The following RNF213 variants were observed in gnomAD, a reference collection of about 807,000 sequenced individuals.
RNF213 encodes the protein E3 ubiquitin-protein ligase RNF213.
Under a neutral mutation model 514.4 loss-of-function variants are expected in RNF213, and 341 were observed. The ratio of observed to expected loss-of-function variants is 0.66; its 90% CI spans 0.61 to 0.73. RNF213 has a LOEUF of 0.73. RNF213 is among the 30% of genes least tolerant of loss of function. The probability of loss-of-function intolerance (pLI) is 0.00; values close to 1 mark genes in which losing one functional copy is unlikely to be tolerated. For missense variants in RNF213, 5,767 were observed against 6,615.6 expected (o/e 0.87, Z 4.45); for synonymous variants, 2,655 against 2,658.2 (o/e 1.00, Z 0.04).
chr17:80,289,885 C>G (rs372549930), intron 6 of RNF213, 48 bp downstream of exon 6: 1 of 1,540,690 alleles, frequency 6.5e-7, no homozygotes, highest in African/African-American at 1.4e-5. Flanking sequence ...CCTGAGAGCC[C>G]GGCACACCCT....
At chr17:80,276,896 C>CAA (rs202223629) in intron 3 of RNF213, among the ~76,000 whole-genome samples, 1 of 144,650 alleles carries the variant, frequency 6.9e-6, no homozygotes, top group South Asian at 2.2e-4. Flanking sequence ...ACTAAAAATA[C>CAA]AAAAAAAAAA....
chr17:80,319,789 C>T (rs908468226), intron 17 of RNF213: 2 of 1,242,898 alleles, frequency 1.6e-6, no homozygotes, highest in African/African-American at 3.1e-5. Context: ...CCCCCTGTCT[C>T]CCAGGAACAG....
intron 2 of RNF213, 42 bp from the exon 3 acceptor site, chr17:80,273,199 C>A (rs767059655): frequency 6.2e-7 from 1 of 1,611,810 alleles, no homozygotes; most frequent in South Asian, 1.1e-5. Flanking sequence ...CTAACACTCG[C>A]TTCTCTCTGA....
In RNF213 at chr17:80,374,464, C is replaced by T. The variant is rs759256018; in HGVS notation, c.12949C>T (p.Arg4317Trp). The T allele has an allele frequency of 1.3e-5, 21 of 1,613,988 alleles. No individual in the cohort carries two copies. Among genetic ancestry groups the T allele is most frequent in the South Asian group, 3.3e-5 (3 of 91,086 alleles). Residue 4317 changes from arginine (R) to tryptophan (W), a missense_variant, in exon 50 of 68, where the codon CGG (arginine) becomes TGG (tryptophan). By Grantham distance (101) the Arg-to-Trp change is moderately radical (BLOSUM62 -3). Coordinates refer to ENST00000582970, the MANE Select transcript of RNF213 (RefSeq NM_001256071.3). ...PKDVVKQQGL[R>W]QDHPGQMDRY... ...ACTAACCTCTGTATTCCAGGGGCTG[C>T]GGCAGGACCACCCAGGCCAGATGGA... is the stretch of plus-strand genomic sequence containing the variant.
intron 22 of RNF213, among the ~76,000 whole-genome samples, chr17:80,334,825 A>G (rs1342449662): frequency 1.3e-5 from 2 of 150,638 alleles, no homozygotes; most frequent in African/African-American, 4.9e-5. Flanking sequence ...ACGGGGTTTC[A>G]CTGTGTTAGC....
rs553839007 is a variant in RNF213, at chr17:80,274,297, A to G, written c.261+893A>G. Reference sequence around the variant, plus strand: ...CTCTTAGGCGTTAGACACCAAGAGAATGCGTCCTTGTTAAGATTCCCAGTT... The same window carrying G: ...CTCTTAGGCGTTAGACACCAAGAGAGTGCGTCCTTGTTAAGATTCCCAGTT... On this transcript the variant is annotated intron_variant, in intron 3 of 67. Coordinates refer to ENST00000582970, the MANE Select transcript of RNF213 (RefSeq NM_001256071.3). Among the ~76,000 whole-genome samples the G allele has an allele frequency of 4.9e-4, 74 of 151,804 alleles. No individual in the cohort carries two copies. In the South Asian group the frequency reaches 0.015, roughly 30 times the overall value.
chr17:80,277,068 A>G (rs1381666267), intron 3 of RNF213, among the ~76,000 whole-genome samples: 3 of 151,348 alleles, frequency 2.0e-5, no homozygotes, highest in Non-Finnish European at 4.4e-5. Context: ...AACAAAGCAA[A>G]CAAACCAAAA....
chr17:80,321,628 TAGGAGGCTTCC>T (rs2046138995), intron 17 of RNF213, among the ~76,000 whole-genome samples: 1 of 152,204 alleles, frequency 6.6e-6, no homozygotes, highest in South Asian at 2.1e-4. Flanking sequence ...TCCAGCAGCA[TAGGAGGCTTCC>T]AGGTTCTCCA....
chr17:80,286,824 C>T (rs2044489080), intron 3 of RNF213, among the ~76,000 whole-genome samples: 1 of 152,048 alleles, frequency 6.6e-6, no homozygotes, highest in Non-Finnish European at 1.5e-5. Context: ...AGTACTGCCC[C>T]CTGGGAGATG....
chr17:80,290,474 TGTGTGTGCGCAC>T, intron 6 of RNF213, 84 bp from the exon 7 acceptor site: 2 of 1,430,500 alleles, frequency 1.4e-6, no homozygotes, highest in Admixed American at 1.7e-5. Flanking sequence ...TGTGTGCACG[TGTGTGTGCGCAC>T]GTGTGTGTGT....
intron 14 of RNF213, among the ~76,000 whole-genome samples, chr17:80,311,039 G>A (rs867692291): frequency 2.6e-5 from 4 of 152,346 alleles, no homozygotes; most frequent in Middle Eastern, 3.4e-3. Flanking sequence ...AACCGCCACA[G>A]GCAGCTGCCA....
chr17:80,381,896 A>G, intron 57 of RNF213, 169 bp downstream of exon 57: 2 of 710,378 alleles, frequency 2.8e-6, no homozygotes, highest in South Asian at 3.5e-5. Context: ...AGGGAAGGCG[A>G]TGCCTGGGGC....
rs1599066264 is a variant in RNF213, at chr17:80,343,538, G to C, written c.6183+213G>C. ...GTGCGCTTACACTAACCTAGACGTA[G>C]AGCCCACTGCACACACAGGCTTTAT... is the stretch of plus-strand genomic sequence containing the variant. On this transcript the variant is annotated intron_variant, in intron 27 of 67. Coordinates refer to ENST00000582970, the MANE Select transcript of RNF213 (RefSeq NM_001256071.3). The surrounding 1 kb of genome is among the most constrained non-coding windows in gnomAD (Gnocchi z 4.3). 6.6e-6 allele frequency among the ~76,000 whole-genome samples: 1 copy of C among 152,172 alleles called. No homozygotes were observed. The highest frequency in any genetic ancestry group is 1.5e-5 in the Non-Finnish European group (1 of 68,034).
Position 80,390,058 on chromosome 17 carries a change from C to T in RNF213, c.15332C>T (p.Pro5111Leu), listed in dbSNP as rs191077627. 6.8e-6 allele frequency: 11 copies of T among 1,614,202 alleles called. No homozygotes were observed. The East Asian group carries it at 8.9e-5, about 13-fold the overall frequency. The change falls in exon 67 of 68, where the codon CCG becomes CTG. Residue 5111 changes from proline to leucine, a missense_variant. Pro to Leu is a moderately conservative substitution (Grantham distance 98, BLOSUM62 -3). Transcript: ENST00000582970. The part of the protein sequence containing the change: ...ISSRYKADLS[P>L]ENAKLLSTFL... ...TCAAGGTACAAAGCGGATCTGAGCC[C>T]GGAAAATGCTAAGCTCCTCAGCACA...
At chr17:80,349,106 G>A (rs2078412933) in intron 29 of RNF213, among the ~76,000 whole-genome samples, 1 of 152,186 alleles carries the variant, frequency 6.6e-6, no homozygotes. Flanking sequence ...GGGGGGATGG[G>A]GGGTGGAGGG....
Position 80,289,718 on chromosome 17 carries a change from T to G in RNF213, c.993T>G (p.Asn331Lys), listed in dbSNP as rs755441014. 5 of 1,612,642 alleles carry G rather than the reference T, an allele frequency of 3.1e-6. No homozygotes were observed. The South Asian group carries it at 5.5e-5, about 18-fold the overall frequency. Residue 331 changes from asparagine to lysine, a missense_variant, in exon 6 of 68, where the codon AAT (asparagine) becomes AAG (lysine). Coordinates refer to ENST00000582970, the MANE Select transcript of RNF213 (RefSeq NM_001256071.3). ...CTGCTGAAGAAAAAGTCGGTAAGAA[T>G]GAACAAGGGGAGCCTGAAGACCTCA... ...MAAAEEKVGK[N>K]EQGEPEDLKK...
intron 3 of RNF213, among the ~76,000 whole-genome samples, chr17:80,276,956 C>G (rs1477143978): frequency 6.6e-6 from 1 of 151,814 alleles, no homozygotes; most frequent in Non-Finnish European, 1.5e-5. Context: ...ACTTGGGCGG[C>G]TGAGGCAGGA....
chr17:80,367,709 T>TC (rs758123547), intron 42 of RNF213, 39 bp from the exon 43 acceptor site: 14 of 1,560,784 alleles, frequency 9.0e-6, no homozygotes, highest in Non-Finnish European at 1.1e-5. Flanking sequence ...CCCTCAGCCC[T>TC]CCCCCCTGCT....
intron 21 of RNF213, 88 bp downstream of exon 21, chr17:80,332,719 G>A (rs2046449776): frequency 2.1e-6 from 3 of 1,409,516 alleles, no homozygotes; most frequent in Non-Finnish European, 2.8e-6. Context: ...GCTTTGAAAA[G>A]GGGGGCGGAT....
Sources: gnomAD v4.1 joint callset for allele counts (sites outside exome capture counted in the v4.1 genomes callset) on GRCh38, gnomAD v4.1.1 for gene constraint, Gnocchi (gnomAD v3.1) non-coding constraint, MANE v1.5 for transcripts, NCBI Gene and HGNC (gene_info 2026-07-23, HGNC 2026-07-21) for gene names.